RGS20: variants seen among roughly 807,000 people sequenced by gnomAD.
RGS20 encodes the protein gz-selective GTPase-activating protein.
RGS20 carries 30 observed loss-of-function variants against 33.6 expected under a neutral mutation model. The ratio of observed to expected loss-of-function variants is 0.89; its 90% confidence interval spans 0.67 to 1.21. RGS20 has a LOEUF of 1.21. RGS20 is among the 50% of genes most tolerant of loss of function. The probability of loss-of-function intolerance (pLI) is 0.00; values close to 1 mark genes in which losing one functional copy is unlikely to be tolerated. For missense variants in RGS20, 472 were observed against 502.4 expected (o/e 0.94, Z 0.58); for synonymous variants, 208 against 197.9 (o/e 1.05, Z -0.43).
intron 2 of RGS20, among the ~76,000 whole-genome samples, chr8:53,906,579 CGTT>C (rs1221004618): frequency 6.6e-6 from 1 of 152,232 alleles, no homozygotes; most frequent in Non-Finnish European, 1.5e-5. Flanking sequence ...AATTGAAACA[CGTT>C]GTGTTAAATA....
intron 2 of RGS20, chr8:53,914,840 A>T (rs1372037080): frequency 6.6e-6 from 1 of 152,164 alleles, no homozygotes; most frequent in African/African-American, 2.4e-5. Flanking sequence ...AAAAGAAAAA[A>T]AATTTTTTTA....
At chr8:53,886,278 C>T (rs776947296) in intron 2 of RGS20, among the ~76,000 whole-genome samples, 1 of 152,116 alleles carries the variant, frequency 6.6e-6, no homozygotes, top group Non-Finnish European at 1.5e-5. Context: ...ATTGAATGGG[C>T]TCTTGGAGAG....
At chr8:53,864,721 G>T (rs1359373892) in intron 1 of RGS20, among the ~76,000 whole-genome samples, 2 of 152,136 alleles carry the variant, frequency 1.3e-5, no homozygotes, top group Non-Finnish European at 2.9e-5. Context: ...CCACCATGTG[G>T]ATGAAACAAG....
intron 2 of RGS20, among the ~76,000 whole-genome samples, chr8:53,882,407 C>A (rs1450449615): frequency 6.6e-6 from 1 of 152,066 alleles, no homozygotes; most frequent in Non-Finnish European, 1.5e-5. Context: ...ACCCCAGCAG[C>A]AGGGACGCGG....
At chr8:53,904,142 T>A (rs1202873458) in intron 2 of RGS20, among the ~76,000 whole-genome samples, 2 of 149,630 alleles carry the variant, frequency 1.3e-5, no homozygotes, top group African/African-American at 2.5e-5. Context: ...TTTTTTTTTT[T>A]AACCAAGTCT....
At chr8:53,951,318 CTACAAAAAAA>C (rs946574090) in intron 4 of RGS20, among the ~76,000 whole-genome samples, 6 of 151,980 alleles carry the variant, frequency 3.9e-5, no homozygotes, top group Non-Finnish European at 2.9e-5. Flanking sequence ...AATCTCATCT[CTACAAAAAAA>C]TACAAAAAAA....
chr8:53,955,078 A>G (rs1262090631), intron 5 of RGS20, among the ~76,000 whole-genome samples: 1 of 151,340 alleles, frequency 6.6e-6, no homozygotes, highest in Non-Finnish European at 1.5e-5. Flanking sequence ...TCCACAGTCA[A>G]AGGGATCTGA....
intron 2 of RGS20, chr8:53,880,941 G>C (rs1295545482): frequency 6.4e-7 from 1 of 1,560,778 alleles, no homozygotes; most frequent in Non-Finnish European, 8.6e-7. Context: ...AAAGGCGAAA[G>C]GCGCGGTGAG....
intron 2 of RGS20, among the ~76,000 whole-genome samples, chr8:53,908,007 A>G (rs1417293789): frequency 6.6e-6 from 1 of 152,044 alleles, no homozygotes; most frequent in African/African-American, 2.4e-5. Flanking sequence ...GGGTTCAATG[A>G]AGTTGTGAGG....
At chr8:53,884,773 G>A (rs995528694) in intron 2 of RGS20, among the ~76,000 whole-genome samples, 4 of 152,180 alleles carry the variant, frequency 2.6e-5, no homozygotes, top group African/African-American at 9.7e-5. Flanking sequence ...GCTATCTCTA[G>A]CACCAAGAAG....
intron 4 of RGS20, among the ~76,000 whole-genome samples, chr8:53,947,572 T>C (rs1814545620): frequency 7.8e-6 from 1 of 127,704 alleles, no homozygotes; most frequent in Non-Finnish European, 1.6e-5. Flanking sequence ...TAGGATATAG[T>C]ATATACATTT....
At chr8:53,954,490 C>G (rs1300049807) in intron 5 of RGS20, among the ~76,000 whole-genome samples, 180 bp downstream of exon 4, 1 of 151,554 alleles carries the variant, frequency 6.6e-6, no homozygotes, top group Non-Finnish European at 1.5e-5. Flanking sequence ...ATGGTGAAAC[C>G]CCGTCTCTAC....
At chr8:53,924,225 C>G (rs1813729437) in intron 2 of RGS20, among the ~76,000 whole-genome samples, 1 of 151,852 alleles carries the variant, frequency 6.6e-6, no homozygotes, top group African/African-American at 2.4e-5. Context: ...GAGTCTTGCT[C>G]TGTCACCCAG....
chr8:53,877,922 C>G lies in RGS20; in HGVS notation c.166-1336C>G, dbSNP rs552931217. Among the ~76,000 whole-genome samples the G allele has an allele frequency of 3.2e-3, 487 of 152,338 alleles. 5 individuals carry two copies. Among genetic ancestry groups the G allele is most frequent in the African/African-American group, 0.011 (469 of 41,580 alleles). On this transcript the variant is annotated intron_variant, in intron 1 of 5. Coordinates refer to ENST00000297313, the MANE Select transcript of RGS20 (RefSeq NM_170587.4). The surrounding 1 kb of genome is among the most constrained non-coding windows in gnomAD (Gnocchi z 5.7). ...CAAGACTTCCACCGCCGAAAGAATA[C>G]AGGCCGGGCCTGGTGACTGCGGAGT...
At chr8:53,854,787 G>A (rs1811637619) in intron 1 of RGS20, among the ~76,000 whole-genome samples, 1 of 152,160 alleles carries the variant, frequency 6.6e-6, no homozygotes, top group African/African-American at 2.4e-5. Context: ...CCAGAGAAAT[G>A]AAAACCTACA....
At chr8:53,951,451 T>C (rs1313975034) in intron 4 of RGS20, among the ~76,000 whole-genome samples, 4 of 151,612 alleles carry the variant, frequency 2.6e-5, no homozygotes, top group Non-Finnish European at 4.4e-5. Context: ...ATCACACCAC[T>C]ACACTCCAGC....
At chr8:53,930,962 C>T (rs1813941895) in intron 2 of RGS20, among the ~76,000 whole-genome samples, 1 of 152,086 alleles carries the variant, frequency 6.6e-6, no homozygotes, top group African/African-American at 2.4e-5. Flanking sequence ...TGAAGTGAAA[C>T]CATGGTTAGG....
At chr8:53,905,884 A>G (rs1397570557) in intron 2 of RGS20, among the ~76,000 whole-genome samples, 2 of 152,174 alleles carry the variant, frequency 1.3e-5, no homozygotes, top group Non-Finnish European at 2.9e-5. Context: ...AGGTTCTGGA[A>G]GCCTAGAGCC....
chr8:53,870,151 T>G (rs868153380), intron 1 of RGS20, among the ~76,000 whole-genome samples: 15 of 152,298 alleles, frequency 9.8e-5, no homozygotes, highest in Middle Eastern at 3.4e-3. Flanking sequence ...CATCCCACCT[T>G]TTCCAACCAC....
Sources: allele counts gnomAD v4.1 joint callset (sites outside exome capture counted in the v4.1 genomes callset), GRCh38; gene constraint gnomAD v4.1.1; non-coding constraint Gnocchi (gnomAD v3.1); transcripts MANE v1.5; gene names NCBI Gene and HGNC (gene_info 2026-07-23, HGNC 2026-07-21).